ARPP21: variants seen among roughly 807,000 people sequenced by gnomAD.
ARPP21 encodes cAMP-regulated phosphoprotein 21.
Under a neutral mutation model 113.2 loss-of-function variants are expected in ARPP21, and 69 were observed. That is an observed-to-expected ratio of 0.61 (90% confidence interval 0.50 to 0.74). ARPP21 has a LOEUF of 0.74. Ranked by LOEUF, ARPP21 falls within the 30% of genes least tolerant of loss-of-function variation. The pLI is 0.00. For synonymous variants in ARPP21, 368 were observed against 375.5 expected (o/e 0.98, Z 0.23); for missense variants, 1,070 against 1,037.4 (o/e 1.03, Z -0.43).
At chr3:35,649,750 G>C (rs1418176181) in intron 1 of ARPP21, among the ~76,000 whole-genome samples, 2 of 152,112 alleles carry the variant, frequency 1.3e-5, no homozygotes, top group Non-Finnish European at 2.9e-5. Flanking sequence ...GTGCCACCAA[G>C]CTATAGGAAG....
intron 1 of ARPP21, among the ~76,000 whole-genome samples, chr3:35,659,716 G>T (rs1706784426): frequency 1.3e-5 from 2 of 152,154 alleles, no homozygotes; most frequent in South Asian, 2.1e-4. Flanking sequence ...ATCTCATTTT[G>T]TTGGTTAATA....
At chr3:35,772,647 A>G (rs2096242940) in intron 19 of ARPP21, among the ~76,000 whole-genome samples, 1 of 152,194 alleles carries the variant, frequency 6.6e-6, no homozygotes, top group Non-Finnish European at 1.5e-5. Context: ...GCCTTTTTCA[A>G]TCCCAACATG....
intron 11 of ARPP21, among the ~76,000 whole-genome samples, chr3:35,712,415 A>G (rs937260288): frequency 6.6e-6 from 1 of 152,118 alleles, no homozygotes; most frequent in Non-Finnish European, 1.5e-5. Context: ...AAAGTTCAGA[A>G]ATACTTCCTG....
At chr3:35,654,534 C>T (rs11129661) in intron 1 of ARPP21, among the ~76,000 whole-genome samples, 23,534 of 152,070 alleles carry the variant, frequency 0.15, 2,169 homozygotes, top group Non-Finnish European at 0.21. Context: ...TTCTGAAAAA[C>T]TTATATAAGA....
At position 35,731,431 on chromosome 3, in the gene ARPP21, A is replaced by G. The variant is rs531869736; in HGVS notation, c.1459+1895A>G. ...ACACTGTTGAACAGCTTCTCCATAC[A>G]TATTTTTCTGATCTGACAAATGCTA... On this transcript the variant is annotated intron_variant, in intron 15 of 20. Transcript: ENST00000684406. Among the ~76,000 whole-genome samples the G allele has an allele frequency of 8.5e-5, 13 of 152,290 alleles. No homozygotes were observed. The South Asian group carries it at 2.3e-3, about 27-fold the overall frequency.
intron 18 of ARPP21, among the ~76,000 whole-genome samples, chr3:35,740,754 A>G (rs2094603557): frequency 6.6e-6 from 1 of 152,192 alleles, no homozygotes; most frequent in Admixed American, 6.5e-5. Flanking sequence ...CTGTCAAACA[A>G]AATGTAAGCA....
intron 1 of ARPP21, among the ~76,000 whole-genome samples, chr3:35,668,972 CT>C (rs1310353281): frequency 6.6e-6 from 1 of 152,118 alleles, no homozygotes; most frequent in Non-Finnish European, 1.5e-5. Context: ...GTCCTCTCTG[CT>C]AGGTGCTAGC....
intron 19 of ARPP21, among the ~76,000 whole-genome samples, chr3:35,748,092 A>AAGAT (rs529413992): frequency 7.5e-6 from 1 of 133,444 alleles, no homozygotes; most frequent in African/African-American, 3.0e-5. Flanking sequence ...GAAAGAAAGA[A>AAGAT]AGAAAGAAAG....
chr3:35,765,147 A>G (rs1030103155), intron 19 of ARPP21, among the ~76,000 whole-genome samples: 2 of 152,094 alleles, frequency 1.3e-5, no homozygotes, highest in Admixed American at 6.6e-5. Context: ...CATTTTTCAC[A>G]CCTTACTAAA....
At position 35,696,198 on chromosome 3, in the gene ARPP21, A is replaced by G. The variant is rs550006578; in HGVS notation, c.686+5193A>G. ...TATTCAAAAGGAAATGACCAAGAGT[A>G]GAAAGACTTAGGTGAGTGCTGCTGT... On this transcript the variant is annotated intron_variant, in intron 9 of 20. Coordinates refer to ENST00000684406, the MANE Select transcript of ARPP21 (RefSeq NM_001385562.1). Among the ~76,000 whole-genome samples, 38 of 151,778 alleles carry G rather than the reference A, an allele frequency of 2.5e-4. 1 individual carries two copies. In the Middle Eastern group the frequency reaches 0.024, roughly 95 times the overall value.
chr3:35,782,284 G>C (rs1247064506), intron 19 of ARPP21, among the ~76,000 whole-genome samples: 1 of 152,184 alleles, frequency 6.6e-6, no homozygotes, highest in African/African-American at 2.4e-5. Context: ...GCAGTGGAGA[G>C]TTTGTGGGAC....
intron 9 of ARPP21, among the ~76,000 whole-genome samples, chr3:35,696,801 A>G (rs2084219699): frequency 6.6e-6 from 1 of 151,680 alleles, no homozygotes; most frequent in African/African-American, 2.4e-5. Context: ...TCTTATCAAA[A>G]TATTTTAAAT....
At chr3:35,668,013 A>AG (rs1160693513) in intron 1 of ARPP21, among the ~76,000 whole-genome samples, 8 of 150,708 alleles carry the variant, frequency 5.3e-5, no homozygotes, top group African/African-American at 2.0e-4. Flanking sequence ...AAGAAGAAGA[A>AG]GAAGAAGAAG....
At chr3:35,705,882 A>C (rs769339795) in intron 9 of ARPP21, among the ~76,000 whole-genome samples, 1 of 152,194 alleles carries the variant, frequency 6.6e-6, no homozygotes, top group Admixed American at 6.5e-5. Context: ...GAAAGAAAAA[A>C]ATGCTTCTCA....
At chr3:35,716,626 T>C (rs1417022071) in intron 12 of ARPP21, among the ~76,000 whole-genome samples, 1 of 152,012 alleles carries the variant, frequency 6.6e-6, no homozygotes, top group Non-Finnish European at 1.5e-5. Flanking sequence ...GCAGGTGATT[T>C]CTAAAGGATT....
intron 1 of ARPP21, among the ~76,000 whole-genome samples, chr3:35,662,297 A>T (rs980935354): frequency 6.6e-6 from 1 of 152,182 alleles, no homozygotes; most frequent in Admixed American, 6.5e-5. Flanking sequence ...GGTATTAGAG[A>T]GGTGATTAAG....
chr3:35,660,748 A>T (rs1386776329), intron 1 of ARPP21, among the ~76,000 whole-genome samples: 1 of 152,154 alleles, frequency 6.6e-6, no homozygotes, highest in Non-Finnish European at 1.5e-5. Flanking sequence ...GATTTTGAGT[A>T]AATGCTTCTA....
chr3:35,667,735 T>A (rs1476558143), intron 1 of ARPP21, among the ~76,000 whole-genome samples: 1 of 151,866 alleles, frequency 6.6e-6, no homozygotes, highest in Non-Finnish European at 1.5e-5. Context: ...CATGACAAGT[T>A]AATTTATAAT....
intron 19 of ARPP21, among the ~76,000 whole-genome samples, chr3:35,786,463 G>T (rs1424500197): frequency 1.3e-5 from 2 of 151,774 alleles, no homozygotes; most frequent in African/African-American, 4.8e-5. Context: ...AGGAGGCAGG[G>T]GTTGCAGTGA....
Sources: gnomAD v4.1 joint callset for allele counts (sites outside exome capture counted in the v4.1 genomes callset) on GRCh38, gnomAD v4.1.1 for gene constraint, MANE v1.5 for transcripts, NCBI Gene and HGNC (gene_info 2026-07-23, HGNC 2026-07-21) for gene names.